The following SPATA9 variants were observed in gnomAD, a reference collection of about 807,000 sequenced individuals.
SPATA9 encodes spermatogenesis associated 9.
Under a neutral mutation model 25.5 loss-of-function variants are expected in SPATA9, and 27 were observed. The observed-to-expected ratio is 1.06, with a 90% CI of 0.78 to 1.46. The LOEUF (loss-of-function observed/expected upper bound fraction) is 1.46. Ranked by LOEUF, SPATA9 falls within the 40% of genes most tolerant of loss-of-function variation. SPATA9 has a pLI of 0.00. For missense variants in SPATA9, 282 were observed against 297.5 expected (o/e 0.95, Z 0.38); for synonymous variants, 102 against 105.7 (o/e 0.97, Z 0.21).
rs1264066198 is a variant in SPATA9 at position 95,675,635 on chromosome 5, C to T, written c.155G>A (p.Arg52Lys). ...ILRLSQSNQK[R>K]EPAQKTSKIR... is the part of the protein sequence containing the mutation. ...TTTGGATGTTTTCTGCGCAGGTTCT[C>T]TTTTCTGAAAAATAGGCCTTTGAAA... The change falls in exon 3 of 5, where the codon AGA (arginine) becomes AAA (lysine). Residue 52 changes from arginine to lysine, a missense_variant. Arg to Lys is a conservative substitution (Grantham distance 26). Coordinates refer to ENST00000274432, the MANE Select transcript of SPATA9 (RefSeq NM_031952.4). 4 of 1,613,454 alleles carry T rather than the reference C, an allele frequency of 2.5e-6. No homozygotes were observed. Among genetic ancestry groups the T allele is most frequent in the Admixed American group, 1.7e-5 (1 of 59,924 alleles).
chr5:95,688,464 C>T (rs1753802124), intron 1 of SPATA9, among the ~76,000 whole-genome samples: 1 of 152,116 alleles, frequency 6.6e-6, no homozygotes, highest in Admixed American at 6.5e-5. Context: ...GTTGCCCAGG[C>T]TGGTGTTGAA....
chr5:95,668,257 G>T (rs1481871912), intron 3 of SPATA9, among the ~76,000 whole-genome samples: 3 of 152,088 alleles, frequency 2.0e-5, no homozygotes, highest in African/African-American at 7.2e-5. Context: ...TTATGTACTT[G>T]ATATATGGTA....
At chr5:95,653,756 G>A (rs1171801354), downstream of SPATA9, among the ~76,000 whole-genome samples, 1 of 152,108 alleles carries the variant, frequency 6.6e-6, no homozygotes, top group African/African-American at 2.4e-5. Flanking sequence ...AAATTAGCCA[G>A]GTGTGGTGGT....
chr5:95,731,100 C>T, the SPATA9 span: 18 of 1,114,264 alleles, frequency 1.6e-5, no homozygotes, highest in Non-Finnish European at 1.9e-5. Flanking sequence ...GCTGGGAGCT[C>T]TCGGGCTGGG....
chr5:95,715,322 C>CA, the SPATA9 span, among the ~76,000 whole-genome samples: 1,629 of 67,090 alleles, frequency 0.024, 15 homozygotes, highest in African/African-American at 0.054. Flanking sequence ...GATTCCATCT[C>CA]AAAAAAAAAA....
At chr5:95,675,112 C>A (rs35155953) in intron 3 of SPATA9, among the ~76,000 whole-genome samples, 17,486 of 152,158 alleles carry the variant, frequency 0.11, 1,065 homozygotes, top group Middle Eastern at 0.22. Context: ...GAACAAAACA[C>A]AATAATTTTT....
At chr5:95,712,652 T>C in the SPATA9 span, among the ~76,000 whole-genome samples, 1 of 152,084 alleles carries the variant, frequency 6.6e-6, no homozygotes, top group South Asian at 2.1e-4. Context: ...CCAGCCTGAG[T>C]CACTGGGCCA....
At position 95,658,660 on chromosome 5, in the gene SPATA9, A is replaced by G; in HGVS notation, c.728T>C (p.Val243Ala). Residue 243 changes from valine to alanine, a missense_variant, in exon 5 of 5, where the codon GTG (valine) becomes GCG (alanine). Coordinates refer to ENST00000274432, the MANE Select transcript of SPATA9 (RefSeq NM_031952.4). Reference sequence around the variant, plus strand: ...ATTCATTTCAGCTGATTGGTCAAACACAGAATGTAAAACTTGGATGTTATT... The same window carrying G: ...ATTCATTTCAGCTGATTGGTCAAACGCAGAATGTAAAACTTGGATGTTATT... ...QSNNIQVLHS[V>A]FDQSAEMNEQ... 1.9e-6 allele frequency: 3 copies of G among 1,613,612 alleles called. No homozygotes were observed. Among genetic ancestry groups the G allele is most frequent in the Non-Finnish European group, 2.5e-6 (3 of 1,179,812 alleles).
At chr5:95,653,030 A>G (rs114220274) in exon 9 of SPATA9, 2 of 1,518,918 alleles carry the variant, frequency 1.3e-6, no homozygotes, top group South Asian at 2.5e-5. Context: ...CCTGTTTACC[A>G]ATCTTGCATA....
chr5:95,663,953 C>T lies in SPATA9; in HGVS notation c.474G>A (p.Leu158=), dbSNP rs757311257. 2 of 1,507,314 alleles carry T rather than the reference C, an allele frequency of 1.3e-6. No individual in the cohort carries two copies. Among genetic ancestry groups the T allele is most frequent in the Non-Finnish European group, 1.8e-6 (2 of 1,114,850 alleles). The allele number at this position is 1,507,314 out of a possible 1,614,324, so 93.4% of individuals were successfully genotyped here. A position where few individuals can be genotyped will look rare whatever the true frequency, so the allele number is the denominator to read the frequency against. Residue 158 remains leucine (L), a splice_region_variant and synonymous_variant, in exon 4 of 5, where the codon TTG becomes TTA. Coordinates refer to ENST00000274432, the MANE Select transcript of SPATA9 (RefSeq NM_031952.4). ...GATTCTAATAATTTTCTTAACTTAC[C>T]AAATAAATTAGTGCTGCATATGAAG... is the stretch of plus-strand genomic sequence containing the variant. ...IYASYAALIY[L]AVCVNAVLKK...
the SPATA9 span, among the ~76,000 whole-genome samples, chr5:95,724,442 A>G: frequency 3.5e-4 from 53 of 152,252 alleles, no homozygotes; most frequent in Non-Finnish European, 5.9e-4. Context: ...AGAAAATTCT[A>G]TAAGATAGAA....
At chr5:95,699,223 G>A (rs1364131656), upstream of SPATA9, among the ~76,000 whole-genome samples, 1 of 152,202 alleles carries the variant, frequency 6.6e-6, no homozygotes, top group African/African-American at 2.4e-5. Flanking sequence ...TCCTGGCTCT[G>A]CTACTTAAAT....
Position 95,658,521 on chromosome 5 carries a change from A to G in SPATA9, c.*102T>C. 1 of 1,336,646 alleles carries G rather than the reference A, an allele frequency of 7.5e-7. No homozygotes were observed. The allele number at this position is 1,336,646 out of a possible 1,614,324, so 82.8% of individuals were successfully genotyped here. ...TAGCCCCCTTCTCTTTTTTTTAAGA[A>G]AGCAGAGCAATTCAGAATATGTAAA... On this transcript the variant is annotated 3_prime_UTR_variant, in exon 5 of 5. Transcript: ENST00000274432.
At chr5:95,685,541 T>C (rs1385801621), upstream of SPATA9, among the ~76,000 whole-genome samples, 1 of 152,232 alleles carries the variant, frequency 6.6e-6, no homozygotes, top group African/African-American at 2.4e-5. Flanking sequence ...CCCAGTACTA[T>C]GTCCTCCAGC....
rs764259202 is a variant in SPATA9 at position 95,682,576 on chromosome 5, C to T, written c.102G>A (p.Glu34=). 1.9e-6 allele frequency: 3 copies of T among 1,613,848 alleles called. No homozygotes were observed. Residue 34 remains glutamate (E), a synonymous_variant, in exon 2 of 5, where the codon GAG becomes GAA. Coordinates refer to ENST00000274432, the MANE Select transcript of SPATA9 (RefSeq NM_031952.4). ...IQKAIMDLVD[E]FKDEFPTILR... The stretch of plus-strand genomic sequence containing the variant: ...GGATGGTGGGAAATTCATCTTTAAA[C>T]TCATCTACAAGGTCCATGATTGCTT...
chr5:95,676,165 T>C (rs1314778772), intron 2 of SPATA9, among the ~76,000 whole-genome samples: 3 of 152,170 alleles, frequency 2.0e-5, no homozygotes, highest in Admixed American at 6.5e-5. Flanking sequence ...GGGATAAATA[T>C]CAAGAATTGA....
downstream of SPATA9, chr5:95,652,637 CA>C: frequency 3.2e-6 from 1 of 308,296 alleles, no homozygotes; most frequent in Non-Finnish European, 6.0e-6. Flanking sequence ...TTCATCAACC[CA>C]ACTTCTCTGT....
upstream of SPATA9, chr5:95,701,251 T>G (rs908478521): frequency 2.0e-5 from 3 of 152,170 alleles, no homozygotes; most frequent in Admixed American, 6.5e-5. Context: ...TCTTACCTTA[T>G]CAGGACAGTG....
intron 3 of SPATA9, among the ~76,000 whole-genome samples, chr5:95,672,592 G>T (rs973835106): frequency 6.6e-6 from 1 of 151,950 alleles, no homozygotes; most frequent in African/African-American, 2.4e-5. Context: ...GGGCAAAGAA[G>T]AAGAGATTTC....
Sources: allele counts gnomAD v4.1 joint callset (sites outside exome capture counted in the v4.1 genomes callset), GRCh38; gene constraint gnomAD v4.1.1; transcripts MANE v1.5; gene names NCBI Gene and HGNC (gene_info 2026-07-23, HGNC 2026-07-21).